Variants in PCDHA1 observed in about 807,000 individuals in gnomAD.
The protein encoded by PCDHA1 is protocadherin alpha-1.
PCDHA1 carries 42 observed loss-of-function variants against 61.3 expected under a neutral mutation model. The observed-to-expected ratio is 0.69, with a 90% CI of 0.54 to 0.89. The LOEUF (loss-of-function observed/expected upper bound fraction) is 0.89, where lower values mean the gene tolerates loss of function less well. Ranked by LOEUF, PCDHA1 falls within the 40% of genes least tolerant of loss-of-function variation. PCDHA1 has a pLI of 0.00. For missense variants in PCDHA1, 1,256 were observed against 1,235.3 expected (o/e 1.02, Z -0.25); for synonymous variants, 610 against 553.8 (o/e 1.10, Z -1.43).
chr5:140,808,892 C>T (rs13189658), intron 1 of PCDHA1: 1 of 1,613,376 alleles, frequency 6.2e-7, no homozygotes, highest in Admixed American at 1.7e-5. Flanking sequence ...GCTAGCGCCT[C>T]GGGCGGGTGG....
At chr5:140,878,153 A>G (rs554763085) in intron 1 of PCDHA1, 21 of 178,230 alleles carry the variant, frequency 1.2e-4, no homozygotes, top group Non-Finnish European at 2.3e-4. Context: ...TGATAACTTA[A>G]AAATTTAATT....
intron 3 of PCDHA1, among the ~76,000 whole-genome samples, chr5:141,000,193 A>G (rs554462748): frequency 2.0e-5 from 3 of 151,958 alleles, no homozygotes; most frequent in Non-Finnish European, 4.4e-5. Flanking sequence ...ATGTGAGAAT[A>G]GTTTTTCACC....
chr5:140,792,407 T>A (rs1581606031), intron 1 of PCDHA1, among the ~76,000 whole-genome samples: 3 of 152,182 alleles, frequency 2.0e-5, no homozygotes, highest in Non-Finnish European at 4.4e-5. Context: ...CTCAGAAAAG[T>A]GATGTCTTTT....
At chr5:140,870,001 G>T in intron 1 of PCDHA1, 34 of 1,613,566 alleles carry the variant, frequency 2.1e-5, no homozygotes, top group Non-Finnish European at 2.9e-5. Context: ...AAATAATGGA[G>T]AAGTGAGGGT....
intron 1 of PCDHA1, chr5:140,795,692 C>T (rs781888206): frequency 3.7e-6 from 6 of 1,614,026 alleles, no homozygotes; most frequent in South Asian, 1.1e-5. Flanking sequence ...CCAACTTTTG[C>T]CCAATCAGTT....
chr5:140,863,403 C>A (rs1554158174), intron 1 of PCDHA1: 1 of 835,368 alleles, frequency 1.2e-6, no homozygotes, highest in South Asian at 1.3e-5. Flanking sequence ...CGGGCAAGCC[C>A]ACGCTGGTGT....
chr5:140,809,655 AT>A (rs1764521279), intron 1 of PCDHA1: 1 of 1,490,700 alleles, frequency 6.7e-7, no homozygotes, highest in Non-Finnish European at 9.0e-7. Flanking sequence ...TAAGAGTCAA[AT>A]TTCCCTGGGT....
rs1762321272 is a variant in PCDHA1, at chr5:140,798,378, G to T, written c.2394+9694G>T. Among the ~76,000 whole-genome samples, 5 of 152,270 alleles carry T rather than the reference G, an allele frequency of 3.3e-5. No individual in the cohort carries two copies. The South Asian group carries it at 1.0e-3, about 32-fold the overall frequency. On this transcript the variant is annotated intron_variant, in intron 1 of 3. Coordinates refer to ENST00000504120, the MANE Select transcript of PCDHA1 (RefSeq NM_018900.4). ...TTGAGTTATCAGGCAAAAATAGAGA[G>T]TATTGAGAAAAGAGACCCTCTCAAT... is the stretch of plus-strand genomic sequence containing the variant.
At chr5:140,841,949 T>A in intron 1 of PCDHA1, 2 of 1,613,920 alleles carry the variant, frequency 1.2e-6, no homozygotes, top group Non-Finnish European at 1.7e-6. Context: ...TGCGCACCAC[T>A]TATTCCTGAC....
At chr5:140,834,761 T>G (rs1265880924) in intron 1 of PCDHA1, 6 of 1,613,900 alleles carry the variant, frequency 3.7e-6, no homozygotes, top group Non-Finnish European at 5.1e-6. Flanking sequence ...TGAAGGACAT[T>G]AACGACAACC....
intron 1 of PCDHA1, chr5:140,841,823 T>C (rs1554138571): frequency 1.9e-6 from 3 of 1,613,930 alleles, no homozygotes; most frequent in Non-Finnish European, 2.5e-6. Context: ...TAACTCCGTG[T>C]TAACCTACAG....
In PCDHA1 at chr5:140,850,049, C is replaced by A. The variant is rs1354549642; in HGVS notation, c.2394+61365C>A. 3 of 1,596,466 alleles carry A rather than the reference C, an allele frequency of 1.9e-6. 1 individual carries two copies. The highest frequency in any genetic ancestry group is 1.3e-5 in the African/African-American group (1 of 74,464). ...TGCACGCGGAGAGCGGCAAGGTGTA[C>A]GCGCTGCAGCCGTTGGACCACGAGG... On this transcript the variant is annotated intron_variant, in intron 1 of 3. Coordinates refer to ENST00000504120, the MANE Select transcript of PCDHA1 (RefSeq NM_018900.4).
At chr5:140,822,161 C>G in intron 1 of PCDHA1, 1 of 1,614,240 alleles carries the variant, frequency 6.2e-7, no homozygotes, top group Non-Finnish European at 8.5e-7. Context: ...AATGACAATC[C>G]GCCCAGGTTC....
At chr5:140,891,317 C>A (rs2063039508) in intron 1 of PCDHA1, among the ~76,000 whole-genome samples, 1 of 151,808 alleles carries the variant, frequency 6.6e-6, no homozygotes, top group South Asian at 2.1e-4. Context: ...TGAGTAAGTT[C>A]TTTGGTGGTG....
At chr5:140,833,124 A>G (rs1436920350) in intron 1 of PCDHA1, among the ~76,000 whole-genome samples, 1 of 152,250 alleles carries the variant, frequency 6.6e-6, no homozygotes, top group Non-Finnish European at 1.5e-5. Flanking sequence ...AGTCATTTGA[A>G]AGCTGTCAAA....
chr5:140,814,516 AG>A (rs1554126542), intron 1 of PCDHA1: 1 of 152,172 alleles, frequency 6.6e-6, no homozygotes, highest in African/African-American at 2.4e-5. Context: ...ACCACTAAAA[AG>A]TATAGTAAAT....
At chr5:140,913,122 C>A (rs2076217505) in intron 1 of PCDHA1, among the ~76,000 whole-genome samples, 1 of 152,158 alleles carries the variant, frequency 6.6e-6, no homozygotes, top group African/African-American at 2.4e-5. Context: ...TGGAAGTTAA[C>A]CCCTCCTCTA....
chr5:140,870,478 T>C (rs782114058), intron 1 of PCDHA1: 1 of 1,614,112 alleles, frequency 6.2e-7, no homozygotes, highest in Admixed American at 1.7e-5. Flanking sequence ...ACAGCCCGAG[T>C]ACACCGTGTT....
intron 1 of PCDHA1, among the ~76,000 whole-genome samples, chr5:140,827,602 C>T (rs2150148400): frequency 1.3e-5 from 2 of 152,268 alleles, no homozygotes; most frequent in Non-Finnish European, 2.9e-5. Flanking sequence ...CAGATGTGGG[C>T]AAGTTTCTTT....
Sources: gnomAD v4.1 joint callset for allele counts (sites outside exome capture counted in the v4.1 genomes callset) on GRCh38, gnomAD v4.1.1 for gene constraint, MANE v1.5 for transcripts, NCBI Gene and HGNC (gene_info 2026-07-23, HGNC 2026-07-21) for gene names.